Variants in KIF1A observed in about 807,000 individuals in gnomAD.
The protein encoded by KIF1A is kinesin family member 1A, also known as kinesin-like protein KIF1A.
In KIF1A, 46 loss-of-function variants were observed where a neutral mutation model predicts 227.3. That is an observed-to-expected ratio of 0.20 (90% CI 0.16 to 0.26). The LOEUF is 0.26. Among genes scored for constraint, KIF1A ranks in the 10% least tolerant of loss-of-function variants. The probability of loss-of-function intolerance (pLI) is 1.00; values close to 1 mark genes in which losing one functional copy is unlikely to be tolerated. For missense variants in KIF1A, 1,683 were observed against 2,485.9 expected (o/e 0.68, Z 6.87); for synonymous variants, 1,022 against 1,012.8 (o/e 1.01, Z -0.17).
At chr2:240,770,391 G>A (rs931659888) in intron 15 of KIF1A, among the ~76,000 whole-genome samples, 1 of 152,166 alleles carries the variant, frequency 6.6e-6, no homozygotes, top group African/African-American at 2.4e-5. Context: ...GGATGGCCTG[G>A]AGGGAGCTCA....
rs1270465659 is a variant in KIF1A at position 240,784,880 on chromosome 2, G to C, written c.720+109C>G. 5.7e-6 allele frequency: 5 copies of C among 873,822 alleles called. No homozygotes were observed. The African/African-American group carries it at 8.3e-5, about 14-fold the overall frequency. 54.1% of individuals were successfully genotyped at this position (873,822 alleles called of 1,614,324 possible). A position where few individuals can be genotyped will look rare whatever the true frequency, so the allele number is the denominator to read the frequency against. ...TGAGGACACTACCCGCCCTGCACAG[G>C]CCAGCATTGGGCCTGTCCTTGTGCT... On this transcript the variant is annotated intron_variant, in intron 7 of 48. Coordinates refer to ENST00000498729, the MANE Select transcript of KIF1A (RefSeq NM_001244008.2).
Position 240,757,263 on chromosome 2 carries a change from G to T in KIF1A, c.2858+56C>A. On this transcript the variant is annotated intron_variant, in intron 27 of 48. Coordinates refer to ENST00000498729, the MANE Select transcript of KIF1A (RefSeq NM_001244008.2). This position sits in a 1 kb window ranked among gnomAD's most constrained non-coding sequence, Gnocchi z 6.2. Reference sequence around the variant, plus strand: ...GCGGTTCCTCTGTGCCCGCAGCAGTGCTCCTGTGCAAAAGAGCTGGGTCCT... The same window carrying T: ...GCGGTTCCTCTGTGCCCGCAGCAGTTCTCCTGTGCAAAAGAGCTGGGTCCT... The T allele has an allele frequency of 6.7e-7, 1 of 1,492,760 alleles. No homozygotes were observed. The highest frequency in any genetic ancestry group is 9.1e-7 in the Non-Finnish European group (1 of 1,098,268). 92.5% of individuals were successfully genotyped at this position (1,492,760 alleles called of 1,614,324 possible).
intron 1 of KIF1A, among the ~76,000 whole-genome samples, chr2:240,810,388 T>C (rs2057768876): frequency 6.6e-6 from 1 of 152,186 alleles, no homozygotes; most frequent in Non-Finnish European, 1.5e-5. Context: ...TTTCAAACTG[T>C]ATCCACCAGA....
chr2:240,746,595 G>A (rs1459323630), intron 29 of KIF1A, among the ~76,000 whole-genome samples: 1 of 152,194 alleles, frequency 6.6e-6, no homozygotes, highest in Non-Finnish European at 1.5e-5. Flanking sequence ...GACCACCCTC[G>A]CTCAGGGAGT....
Position 240,778,779 on chromosome 2 carries a change from A to G in KIF1A, c.883-2853T>C, listed in dbSNP as rs529371574. The stretch of plus-strand genomic sequence containing the variant: ...TCCTCACGATTCTGCGCACCGTTCC[A>G]CACACGGTTCCTCACCGCTCCCCAC... On this transcript the variant is annotated intron_variant, in intron 10 of 48. Transcript: ENST00000498729. This position sits in a 1 kb window ranked among gnomAD's most constrained non-coding sequence, Gnocchi z 7.2. 6.7e-6 allele frequency among the ~76,000 whole-genome samples: 1 copy of G among 150,310 alleles called. No homozygotes were observed. The highest frequency in any genetic ancestry group is 6.6e-5 in the Admixed American group (1 of 15,148).
At chr2:240,794,495 C>T (rs1465871758) in intron 2 of KIF1A, among the ~76,000 whole-genome samples, 1 of 152,186 alleles carries the variant, frequency 6.6e-6, no homozygotes, top group Admixed American at 6.5e-5. Context: ...CCCACAACAT[C>T]GTGTGGCACT....
At chr2:240,761,022 C>T (rs969836709) in intron 24 of KIF1A, among the ~76,000 whole-genome samples, 179 bp from the exon 25 acceptor site, 4 of 152,158 alleles carry the variant, frequency 2.6e-5, no homozygotes, top group East Asian at 1.9e-4. Flanking sequence ...ACCCGGCCGC[C>T]GTCTCCCGTG....
intron 2 of KIF1A, among the ~76,000 whole-genome samples, chr2:240,791,609 TC>T (rs1220039289): frequency 1.4e-5 from 2 of 143,584 alleles, no homozygotes; most frequent in African/African-American, 5.2e-5. Flanking sequence ...TAGCCCTTGC[TC>T]CCTGTCCCAC....
chr2:240,791,254 T>C lies in KIF1A; in HGVS notation c.107-1942A>G, dbSNP rs571413584. ...ACCCGTGGCGCCGCCTCCAGAACCC[T>C]AGCACGATCAACCAGCGCTGTGGAA... On this transcript the variant is annotated intron_variant, in intron 2 of 48. Transcript: ENST00000498729. Among the ~76,000 whole-genome samples the C allele has an allele frequency of 1.4e-3, 207 of 152,222 alleles. 2 individuals are homozygous for C. Among genetic ancestry groups the C allele is most frequent in the African/African-American group, 4.7e-3 (197 of 41,530 alleles).
At chr2:240,812,307 A>G (rs1399029256) in intron 1 of KIF1A, among the ~76,000 whole-genome samples, 1 of 152,166 alleles carries the variant, frequency 6.6e-6, no homozygotes, top group Non-Finnish European at 1.5e-5. Context: ...CAGCTCGAGG[A>G]GTGTCCAGGA....
chr2:240,783,213 A>G, intron 8 of KIF1A, 104 bp from the exon 9 acceptor site: 1 of 888,978 alleles, frequency 1.1e-6, no homozygotes, highest in Non-Finnish European at 1.9e-6. Flanking sequence ...AGTGGAGGCC[A>G]CCACTGCAGC....
intron 38 of KIF1A, among the ~76,000 whole-genome samples, chr2:240,732,776 AGGG>A (rs2046878028): frequency 1.0e-4 from 1 of 9,822 alleles, no homozygotes; most frequent in Non-Finnish European, 2.4e-4. Flanking sequence ...GGGAGGGATA[AGGG>A]ATGAGGGGAT....
Position 240,789,201 on chromosome 2 carries a change from G to T in KIF1A, c.183+35C>A. On this transcript the variant is annotated intron_variant, in intron 3 of 48. Transcript: ENST00000498729. The surrounding 1 kb of genome is among the most constrained non-coding windows in gnomAD (Gnocchi z 4.8). ...AGGGCCACATGGCCTATGCACTGCTGCCCCCGCCTCCCCCGACCCGGGGTC... is the reference window on the plus strand; with the variant it reads ...AGGGCCACATGGCCTATGCACTGCTTCCCCCGCCTCCCCCGACCCGGGGTC... 6.4e-7 allele frequency: 1 copy of T among 1,565,028 alleles called. No individual in the cohort carries two copies. The highest frequency in any genetic ancestry group is 8.8e-7 in the Non-Finnish European group (1 of 1,135,680).
At chr2:240,807,951 T>A (rs2057562164) in intron 1 of KIF1A, among the ~76,000 whole-genome samples, 1 of 152,190 alleles carries the variant, frequency 6.6e-6, no homozygotes, top group African/African-American at 2.4e-5. Flanking sequence ...TTTTCAAGAC[T>A]CATTTGTGAT....
Position 240,788,039 on chromosome 2 carries a change from C to CCCCCCGGGGGG in KIF1A, c.363+11_363+12insCCCCCCGGGGG. 6.6e-7 allele frequency: 1 copy of CCCCCCGGGGGG among 1,512,638 alleles called. No individual in the cohort carries two copies. The highest frequency in any genetic ancestry group is 1.4e-5 in the African/African-American group (1 of 72,370). 93.7% of individuals were successfully genotyped at this position (1,512,638 alleles called of 1,614,324 possible). A position where few individuals can be genotyped will look rare whatever the true frequency, so the allele number is the denominator to read the frequency against. ...CTGCCAGGGCTGCCCCCGCCCGCCC[C>CCCCCCGGGGGG]CCGCTTCGTGCCTGTGGGATGATGC... On this transcript the variant is annotated intron_variant, in intron 4 of 48. Coordinates refer to ENST00000498729, the MANE Select transcript of KIF1A (RefSeq NM_001244008.2). The surrounding 1 kb of genome is among the most constrained non-coding windows in gnomAD (Gnocchi z 6.6).
intron 1 of KIF1A, among the ~76,000 whole-genome samples, chr2:240,807,126 GTGTGTATATA>G (rs1476011859): frequency 3.5e-4 from 35 of 101,118 alleles, no homozygotes; most frequent in East Asian, 7.9e-4. Flanking sequence ...GTGTGTGTGT[GTGTGTATATA>G]TATATATATA....
rs777533602 is a variant in KIF1A at position 240,765,765 on chromosome 2, C to T, written c.1713G>A (p.Gly571=). The change falls in exon 20 of 49, where the codon GGG becomes GGA. Residue 571 remains glycine (G), a synonymous_variant. Transcript: ENST00000498729. ...EAVVTLEPCE[G]ADTYVNGKKV... Reference sequence around the variant, plus strand: ...TCTTGCCATTGACGTAGGTGTCTGCCCCCTCACAGGGCTCCAAGGTCACCA... The same window carrying T: ...TCTTGCCATTGACGTAGGTGTCTGCTCCCTCACAGGGCTCCAAGGTCACCA... 1.9e-6 allele frequency: 3 copies of T among 1,613,538 alleles called. No homozygotes were observed. Among genetic ancestry groups the T allele is most frequent in the East Asian group, 2.2e-5 (1 of 44,892 alleles).
intron 1 of KIF1A, among the ~76,000 whole-genome samples, chr2:240,807,279 G>A (rs551872177): frequency 6.6e-5 from 10 of 151,976 alleles, no homozygotes; most frequent in South Asian, 2.1e-4. Flanking sequence ...CCTAGTATGC[G>A]CCACTAGGCA....
intron 7 of KIF1A, among the ~76,000 whole-genome samples, chr2:240,784,471 G>A (rs534542835): frequency 6.3e-4 from 96 of 152,322 alleles, no homozygotes; most frequent in East Asian, 2.1e-3. Context: ...CAGCCATCCT[G>A]AGCCCCCGCT....
Sources: gnomAD v4.1 joint callset for allele counts (sites outside exome capture counted in the v4.1 genomes callset) on GRCh38, gnomAD v4.1.1 for gene constraint, Gnocchi (gnomAD v3.1) non-coding constraint, MANE v1.5 for transcripts, NCBI Gene and HGNC (gene_info 2026-07-23, HGNC 2026-07-21) for gene names.